TNS1: variants seen among roughly 807,000 people sequenced by gnomAD.
TNS1 encodes the protein tensin 1, also known as tensin-1.
Under a neutral mutation model 168.6 loss-of-function variants are expected in TNS1, and 62 were observed. The ratio of observed to expected loss-of-function variants is 0.37; its 90% CI spans 0.30 to 0.45. The LOEUF (loss-of-function observed/expected upper bound fraction) is 0.45, where lower values mean the gene tolerates loss of function less well. Ranked by LOEUF, TNS1 falls within the 20% of genes least tolerant of loss-of-function variation. The probability of loss-of-function intolerance (pLI) is 1.00; values close to 1 mark genes in which losing one functional copy is unlikely to be tolerated. For synonymous variants in TNS1, 934 were observed against 933.2 expected (o/e 1.00, Z -0.02); for missense variants, 2,240 against 2,339.4 (o/e 0.96, Z 0.88).
At chr2:217,894,306 C>G (rs1351054844) in intron 9 of TNS1, among the ~76,000 whole-genome samples, 6 of 152,312 alleles carry the variant, frequency 3.9e-5, no homozygotes, top group Non-Finnish European at 8.8e-5. Context: ...ACTCTCAGAG[C>G]TAGGAGCAGA....
chr2:217,963,889 CAAAA>C (rs58953604), intron 3 of TNS1, among the ~76,000 whole-genome samples: 1 of 126,402 alleles, frequency 7.9e-6, no homozygotes, highest in African/African-American at 3.0e-5. Flanking sequence ...ACTAAAAATA[CAAAA>C]AAAAAAAAAA....
intron 22 of TNS1, among the ~76,000 whole-genome samples, chr2:217,828,600 G>A (rs1943947701): frequency 6.6e-6 from 1 of 152,136 alleles, no homozygotes; most frequent in African/African-American, 2.4e-5. Flanking sequence ...TCACCTGCTG[G>A]TTTGAGTCCT....
In TNS1 at chr2:217,986,067, A is replaced by C. The variant is rs1469649066; in HGVS notation, c.148+4875T>G. Among the ~76,000 whole-genome samples the C allele has an allele frequency of 1.3e-5, 2 of 152,148 alleles. No individual in the cohort carries two copies. The highest frequency in any genetic ancestry group is 2.9e-5 in the Non-Finnish European group (2 of 68,032). ...TAATCCCACCTCCTCATTTAGGGAA[A>C]AGGGAAAGCCAGACCCAGAGAGGTT... On this transcript the variant is annotated intron_variant, in intron 2 of 32. Transcript: ENST00000682258. This position sits in a 1 kb window ranked among gnomAD's most constrained non-coding sequence, Gnocchi z 4.7.
At position 217,802,977 on chromosome 2, in the gene TNS1, C is replaced by A. The variant is rs1937692084; in HGVS notation, c.*1482G>T. 1 of 152,662 alleles carries A rather than the reference C, an allele frequency of 6.6e-6. No individual in the cohort carries two copies. Among genetic ancestry groups the A allele is most frequent in the South Asian group, 2.1e-4 (1 of 4,836 alleles). The allele number at this position is 152,662 out of a possible 1,614,324, so 9.5% of individuals were successfully genotyped here. A position where few individuals can be genotyped will look rare whatever the true frequency, so the allele number is the denominator to read the frequency against. On this transcript the variant is annotated 3_prime_UTR_variant, in exon 33 of 33. Transcript: ENST00000682258. Reference sequence around the variant, plus strand: ...GGTGGTCAGGTGTTTTCCCAACTGTCCAGTGGACCTTAGGCCCTTTGGCCC... The same window carrying A: ...GGTGGTCAGGTGTTTTCCCAACTGTACAGTGGACCTTAGGCCCTTTGGCCC...
intron 3 of TNS1, among the ~76,000 whole-genome samples, chr2:217,920,831 A>T: frequency 6.6e-6 from 1 of 152,234 alleles, no homozygotes; most frequent in East Asian, 1.9e-4. Flanking sequence ...TGGCTAACAC[A>T]TGTGGAAGGC....
At chr2:217,909,421 C>T (rs1954093977) in intron 4 of TNS1, among the ~76,000 whole-genome samples, 1 of 152,176 alleles carries the variant, frequency 6.6e-6, no homozygotes. Context: ...TGCCCCAGGC[C>T]CGTTCAGGGC....
intron 3 of TNS1, 111 bp from the exon 4 acceptor site, chr2:217,920,347 G>A: frequency 2.9e-6 from 2 of 684,966 alleles, no homozygotes; most frequent in Non-Finnish European, 5.3e-6. Context: ...CACACGGGCT[G>A]ACACCTTCTG....
At chr2:217,999,128 T>C (rs1300957210) in intron 1 of TNS1, among the ~76,000 whole-genome samples, 1 of 152,200 alleles carries the variant, frequency 6.6e-6, no homozygotes, top group African/African-American at 2.4e-5. Context: ...TTAGGGCTCA[T>C]GCGTCATTCT....
intron 18 of TNS1, among the ~76,000 whole-genome samples, chr2:217,862,578 A>G (rs916124458): frequency 1.3e-5 from 2 of 152,226 alleles, no homozygotes; most frequent in Non-Finnish European, 2.9e-5. Flanking sequence ...AGCCCAGGCA[A>G]TTTCCTAGAA....
intron 3 of TNS1, among the ~76,000 whole-genome samples, chr2:217,952,052 T>C (rs955504144): frequency 2.0e-5 from 3 of 152,186 alleles, no homozygotes; most frequent in South Asian, 2.1e-4. Flanking sequence ...GAGCACTTGA[T>C]CTAGGAGAGG....
rs567655513 is a variant in TNS1 at position 217,898,020 on chromosome 2, G to A, written c.372-51C>T. On this transcript the variant is annotated intron_variant, in intron 7 of 32. Coordinates refer to ENST00000682258, the MANE Select transcript of TNS1 (RefSeq NM_001387777.1). ...GTCCATATCAGAATCCAGCCCACAG[G>A]GAAGGCCCCAGATAGCTGCACCCCA... is the stretch of plus-strand genomic sequence containing the variant. 80 of 1,540,216 alleles carry A rather than the reference G, an allele frequency of 5.2e-5. No individual in the cohort carries two copies. In the East Asian group the frequency reaches 6.7e-4, roughly 13 times the overall value.
Position 217,948,156 on chromosome 2 carries a change from C to G in TNS1, c.187-27920G>C, listed in dbSNP as rs1227874477. On this transcript the variant is annotated intron_variant, in intron 3 of 32. Coordinates refer to ENST00000682258, the MANE Select transcript of TNS1 (RefSeq NM_001387777.1). The surrounding 1 kb of genome is among the most constrained non-coding windows in gnomAD (Gnocchi z 4.1). ...AAGGAGCCAGACTCTCAGGTTCTTA[C>G]AGCACTAAGGTGAAGTTCCTCTGAG... Among the ~76,000 whole-genome samples the G allele has an allele frequency of 6.6e-6, 1 of 152,216 alleles. No homozygotes were observed. The highest frequency in any genetic ancestry group is 2.4e-5 in the African/African-American group (1 of 41,448).
intron 8 of TNS1, among the ~76,000 whole-genome samples, chr2:217,896,347 C>T (rs144326411): frequency 5.1e-4 from 77 of 152,304 alleles, no homozygotes; most frequent in African/African-American, 1.8e-3. Flanking sequence ...AGTGCCTTTG[C>T]CAGTGTAAGT....
rs1021936308 is a variant in TNS1, at chr2:217,800,792, A to C, written c.*3667T>G. 3 of 152,104 alleles carry C rather than the reference A, an allele frequency of 2.0e-5. No individual in the cohort carries two copies. The highest frequency in any genetic ancestry group is 4.4e-5 in the Non-Finnish European group (3 of 68,076). 9.4% of individuals were successfully genotyped at this position (152,104 alleles called of 1,614,324 possible). On this transcript the variant is annotated 3_prime_UTR_variant, in exon 33 of 33. Coordinates refer to ENST00000682258, the MANE Select transcript of TNS1 (RefSeq NM_001387777.1). ...GATCCAGGAGGCAGGGGTGGTGGAC[A>C]AAAGTAGGAGTGAGACTAAAAAGTG...
intron 10 of TNS1, among the ~76,000 whole-genome samples, 197 bp downstream of exon 10, chr2:217,893,242 C>T (rs1017484551): frequency 1.3e-5 from 2 of 152,222 alleles, no homozygotes; most frequent in Admixed American, 6.5e-5. Flanking sequence ...ATGTCCCCTA[C>T]ACTTCTTAGA....
At position 217,885,148 on chromosome 2, in the gene TNS1, T is replaced by C; in HGVS notation, c.1133A>G (p.Lys378Arg). 1 of 1,614,222 alleles carries C rather than the reference T, an allele frequency of 6.2e-7. No homozygotes were observed. Among genetic ancestry groups the C allele is most frequent in the Non-Finnish European group, 8.5e-7 (1 of 1,180,040 alleles). ...GTCTCGGGCTGGGCTTCGGAACTTC[T>C]TGTGGTAGCACTTCAGCTGGGTGGG... ...KGDILLKCYH[K>R]KFRSPARDVI... The change falls in exon 16 of 33, where the codon AAG becomes AGG. Residue 378 changes from lysine (K) to arginine (R), a missense_variant. By Grantham distance (26) the Lys-to-Arg change is conservative (BLOSUM62 2). Transcript: ENST00000682258.
At chr2:217,905,733 C>T (rs762375995) in intron 6 of TNS1, among the ~76,000 whole-genome samples, 5 of 152,310 alleles carry the variant, frequency 3.3e-5, no homozygotes, top group East Asian at 1.9e-4. Context: ...CAACCCCGAA[C>T]GGGGCTCAAA....
Position 217,849,104 on chromosome 2 carries a change from C to G in TNS1, c.1430-17G>C, listed in dbSNP as rs775507996. On this transcript the variant is annotated splice_polypyrimidine_tract_variant and intron_variant, in intron 18 of 32. Transcript: ENST00000682258. ...CCACCACCTCTGCAAGGGACAGAGCCGGAGGGGAGACAACAGACAACAGAC... is the reference window on the plus strand; with the variant it reads ...CCACCACCTCTGCAAGGGACAGAGCGGGAGGGGAGACAACAGACAACAGAC... 1 of 1,598,166 alleles carries G rather than the reference C, an allele frequency of 6.3e-7. No homozygotes were observed. The highest frequency in any genetic ancestry group is 1.1e-5 in the South Asian group (1 of 89,908).
chr2:217,808,894 G>A (rs192049989), intron 30 of TNS1, among the ~76,000 whole-genome samples: 3 of 152,332 alleles, frequency 2.0e-5, no homozygotes, highest in African/African-American at 7.2e-5. Context: ...AGGGGCTGGG[G>A]AAGGAAGAAA....
Sources: gnomAD v4.1 joint callset for allele counts (sites outside exome capture counted in the v4.1 genomes callset) on GRCh38, gnomAD v4.1.1 for gene constraint, Gnocchi (gnomAD v3.1) non-coding constraint, MANE v1.5 for transcripts, NCBI Gene and HGNC (gene_info 2026-07-23, HGNC 2026-07-21) for gene names.